The following OSBPL7 variants were observed in gnomAD, a reference collection of about 807,000 sequenced individuals.
OSBPL7 encodes oxysterol-binding protein-related protein 7.
Under a neutral mutation model 115.8 loss-of-function variants are expected in OSBPL7, and 66 were observed. That is an observed-to-expected ratio of 0.57 (90% CI 0.47 to 0.70). The LOEUF (loss-of-function observed/expected upper bound fraction) is 0.70. Among genes scored for constraint, OSBPL7 ranks in the 30% least tolerant of loss-of-function variants. The pLI, the probability that OSBPL7 is intolerant of heterozygous loss-of-function variation, is 0.00. For synonymous variants in OSBPL7, 441 were observed against 439.2 expected (o/e 1.00, Z -0.05); for missense variants, 902 against 1,125.5 (o/e 0.80, Z 2.84).
At chr17:47,818,753 G>C (rs2033308741) in intron 5 of OSBPL7, 137 bp from the exon 6 acceptor site, 1 of 862,084 alleles carries the variant, frequency 1.2e-6, no homozygotes, top group African/African-American at 1.7e-5. Flanking sequence ...TCACTTGCAG[G>C]GAGACAGAGC....
intron 15 of OSBPL7, 45 bp downstream of exon 15, chr17:47,813,542 G>A: frequency 1.9e-6 from 3 of 1,590,018 alleles, no homozygotes; most frequent in Non-Finnish European, 2.6e-6. Flanking sequence ...ATCCCAGGGA[G>A]AAGGAAGCAG....
At position 47,810,601 on chromosome 17, in the gene OSBPL7, G is replaced by T; in HGVS notation, c.1873C>A (p.Leu625Met). ...AGAGTCTAAGAATCCCACCTGGGCA[G>T]GCTGACGTTGACTGTTCCCACAGGC... The part of the protein sequence containing the change: ...IVPVGTVNVS[L>M]PRFGDHFEWN... Residue 625 changes from leucine to methionine, a missense_variant, in exon 18 of 23, where the codon CTG becomes ATG. By Grantham distance (15) the Leu-to-Met change is conservative. This residue lies in a region of OSBPL7 where 230 missense variants were observed against 312.7 expected (regional missense o/e 0.74). Coordinates refer to ENST00000007414, the MANE Select transcript of OSBPL7 (RefSeq NM_145798.3). The T allele has an allele frequency of 6.2e-7, 1 of 1,613,992 alleles. No homozygotes were observed. The highest frequency in any genetic ancestry group is 8.5e-7 in the Non-Finnish European group (1 of 1,179,850).
intron 18 of OSBPL7, among the ~76,000 whole-genome samples, chr17:47,810,085 T>C (rs549896791): frequency 6.6e-6 from 1 of 152,200 alleles, no homozygotes; most frequent in South Asian, 2.1e-4. Flanking sequence ...TGCATCACTA[T>C]TGAGTGGCAG....
In OSBPL7 at chr17:47,814,533, G is replaced by A. The variant is rs149876500; in HGVS notation, c.1339C>T (p.Arg447Cys). Residue 447 changes from arginine to cysteine, a missense_variant, in exon 14 of 23, where the codon CGC (arginine) becomes TGC (cysteine). Physicochemically the swap from Arg to Cys is radical, Grantham distance 180. Coordinates refer to ENST00000007414, the MANE Select transcript of OSBPL7 (RefSeq NM_145798.3). ...EEMLDLRGAE[R>C]CQKGGCVPGR... ...ACCCAGCTGGCACCTTTCTGACAGC[G>A]CTCAGCTCCCCTGAGGTCCAGCATC... 40 of 1,420,922 alleles carry A rather than the reference G, an allele frequency of 2.8e-5. No individual in the cohort carries two copies. Among genetic ancestry groups the A allele is most frequent in the African/African-American group, 7.4e-5 (5 of 67,186 alleles). 88.0% of individuals were successfully genotyped at this position (1,420,922 alleles called of 1,614,324 possible).
At position 47,809,197 on chromosome 17, in the gene OSBPL7, G is replaced by C; in HGVS notation, c.2049C>G (p.Val683=). Residue 683 remains valine, a synonymous_variant, in exon 20 of 23, where the codon GTC becomes GTG. Transcript: ENST00000007414. ...TGAGCACAGCGCCCTGCACCTCGTG[G>C]ACATTGGAACTCCAGTACTTGGCCT... ...FCKAKYWSSN[V]HEVQGAVLSR... 6.2e-7 allele frequency: 1 copy of C among 1,614,176 alleles called. No individual in the cohort carries two copies.
intron 14 of OSBPL7, among the ~76,000 whole-genome samples, chr17:47,814,152 G>C (rs1320068560): frequency 1.3e-5 from 2 of 152,220 alleles, no homozygotes; most frequent in African/African-American, 4.8e-5. Context: ...AGAAACAGAG[G>C]TCAGGGTGCA....
intron 16 of OSBPL7, among the ~76,000 whole-genome samples, chr17:47,812,320 A>G (rs2033069246): frequency 1.3e-5 from 2 of 151,970 alleles, no homozygotes; most frequent in Admixed American, 6.5e-5. Context: ...CCTCCTCCCT[A>G]GACACTGCGA....
chr17:47,819,867 C>T, intron 3 of OSBPL7, 85 bp from the exon 4 acceptor site: 10 of 1,609,660 alleles, frequency 6.2e-6, no homozygotes, highest in Non-Finnish European at 8.5e-6. Flanking sequence ...ATTAGCTTTT[C>T]TTTTCCTTCT....
rs746558261 is a variant in OSBPL7 at position 47,809,009 on chromosome 17, C to T, written c.2171-19G>A. Reference sequence around the variant, plus strand: ...ATTGAGTCTGGGGGAAGGCAAGGGGCTGGGGCAGGTGCACCATGCCTGAGC... The same window carrying T: ...ATTGAGTCTGGGGGAAGGCAAGGGGTTGGGGCAGGTGCACCATGCCTGAGC... On this transcript the variant is annotated intron_variant, in intron 20 of 22. Coordinates refer to ENST00000007414, the MANE Select transcript of OSBPL7 (RefSeq NM_145798.3). 11 of 1,613,662 alleles carry T rather than the reference C, an allele frequency of 6.8e-6. No homozygotes were observed. Among genetic ancestry groups the T allele is most frequent in the Non-Finnish European group, 1.7e-6 (2 of 1,179,912 alleles).
chr17:47,810,706 C>T (rs1035864192), intron 17 of OSBPL7, 34 bp from the exon 18 acceptor site: 9 of 1,613,130 alleles, frequency 5.6e-6, no homozygotes, highest in Admixed American at 5.0e-5. Context: ...GAGTGAACAA[C>T]AGAGATAAGG....
At position 47,810,822 on chromosome 17, in the gene OSBPL7, G is replaced by A; in HGVS notation, c.1751C>T (p.Pro584Leu). Reference sequence around the variant, plus strand: ...CTCTGCATGGCAGGCCGAGATAGGGGGGTGGTGGGAGACCTTGGTGAGCAA... The same window carrying A: ...CTCTGCATGGCAGGCCGAGATAGGGAGGTGGTGGGAGACCTTGGTGAGCAA... ...RFISEQVSHH[P>L]PISACHAESE... Residue 584 changes from proline (P) to leucine (L), a missense_variant, in exon 17 of 23, where the codon CCC becomes CTC. Around this residue, in one of 3 missense-constraint regions of OSBPL7, gnomAD observed 667 missense variants for 788.7 expected, o/e 0.85. Coordinates refer to ENST00000007414, the MANE Select transcript of OSBPL7 (RefSeq NM_145798.3). 6.2e-7 allele frequency: 1 copy of A among 1,613,726 alleles called. No individual in the cohort carries two copies. The highest frequency in any genetic ancestry group is 8.5e-7 in the Non-Finnish European group (1 of 1,179,944).
chr17:47,816,062 A>T lies in OSBPL7; in HGVS notation c.1119+45T>A. ...TGGGCCTTGGCTTTCGCTGGGAGAGAAGGCACAGGAGAATCGGCCCCCACA... is the reference window on the plus strand; with the variant it reads ...TGGGCCTTGGCTTTCGCTGGGAGAGTAGGCACAGGAGAATCGGCCCCCACA... On this transcript the variant is annotated intron_variant, in intron 12 of 22. Transcript: ENST00000007414. The surrounding 1 kb of genome is among the most constrained non-coding windows in gnomAD (Gnocchi z 5.8). 6.7e-7 allele frequency: 1 copy of T among 1,490,612 alleles called. No homozygotes were observed. The highest frequency in any genetic ancestry group is 9.0e-7 in the Non-Finnish European group (1 of 1,107,448). 92.3% of individuals were successfully genotyped at this position (1,490,612 alleles called of 1,614,324 possible).
chr17:47,818,447 C>A, intron 6 of OSBPL7, 59 bp downstream of exon 6: 4 of 1,592,058 alleles, frequency 2.5e-6, no homozygotes, highest in Non-Finnish European at 3.4e-6. Flanking sequence ...TCACAGTTCT[C>A]CATAGCCCTT....
chr17:47,814,652 C>T (rs372155095), intron 13 of OSBPL7, 38 bp from the exon 14 acceptor site: 2 of 1,592,642 alleles, frequency 1.3e-6, no homozygotes, highest in African/African-American at 1.3e-5. Flanking sequence ...CAGACTGGGC[C>T]TCCCCCGGGC....
At position 47,815,259 on chromosome 17, in the gene OSBPL7, C is replaced by T. The variant is rs772511329; in HGVS notation, c.1213G>A (p.Asp405Asn). ...SLADSHTEFF[D>N]ACEVLLSASS... The stretch of plus-strand genomic sequence containing the variant: ...GCGGAGAGGAGAACCTCGCAGGCAT[C>T]GAAGAACTCCGTGTGGGAATCAGCA... Residue 405 changes from aspartate (D) to asparagine (N), a missense_variant, in exon 13 of 23, where the codon GAT (aspartate) becomes AAT (asparagine). Physicochemically the swap from Asp to Asn is conservative, Grantham distance 23. Around this residue, in one of 3 missense-constraint regions of OSBPL7, gnomAD observed 667 missense variants for 788.7 expected, o/e 0.85. Coordinates refer to ENST00000007414, the MANE Select transcript of OSBPL7 (RefSeq NM_145798.3). 2 of 1,613,850 alleles carry T rather than the reference C, an allele frequency of 1.2e-6. No homozygotes were observed. Among genetic ancestry groups the T allele is most frequent in the Non-Finnish European group, 1.7e-6 (2 of 1,179,952 alleles).
In OSBPL7 at chr17:47,813,804, G is replaced by A. The variant is rs749995866; in HGVS notation, c.1382C>T (p.Pro461Leu). The change falls in exon 15 of 23, where the codon CCA becomes CTA. Residue 461 changes from proline to leucine, a missense_variant. Pro to Leu is a moderately conservative substitution (Grantham distance 98). Coordinates refer to ENST00000007414, the MANE Select transcript of OSBPL7 (RefSeq NM_145798.3). ...CGCCGGCAGGCAGCGACGGCGGGGT[G>A]GCCCCATGGGTCTCCCTGGAACACA... Reference protein sequence around the residue: ...GGCVPGRPMGPPRRRCLPAAS... With the variant: ...GGCVPGRPMGLPRRRCLPAAS... 1 of 1,611,806 alleles carries A rather than the reference G, an allele frequency of 6.2e-7. No individual in the cohort carries two copies. The highest frequency in any genetic ancestry group is 1.1e-5 in the South Asian group (1 of 90,978).
chr17:47,810,972 G>T, intron 16 of OSBPL7, 137 bp from the exon 17 acceptor site: 1 of 762,124 alleles, frequency 1.3e-6, no homozygotes, highest in Non-Finnish European at 2.2e-6. Context: ...TATCACCCTT[G>T]GCCACCTCCT....
rs766887038 is a variant in OSBPL7, at chr17:47,816,720, A to G, written c.796-25T>C. ...CCTGTAGGTGAAGGGGAAGGGCTGA[A>G]GGGGCCGGCCTCCTTAGAGCATCCT... On this transcript the variant is annotated intron_variant, in intron 9 of 22. Coordinates refer to ENST00000007414, the MANE Select transcript of OSBPL7 (RefSeq NM_145798.3). The surrounding 1 kb of genome is among the most constrained non-coding windows in gnomAD (Gnocchi z 5.8). 12 of 1,613,896 alleles carry G rather than the reference A, an allele frequency of 7.4e-6. No homozygotes were observed. Among genetic ancestry groups the G allele is most frequent in the Admixed American group, 6.7e-5 (4 of 60,004 alleles).
chr17:47,818,179 C>T, intron 7 of OSBPL7, 90 bp downstream of exon 7: 1 of 1,175,422 alleles, frequency 8.5e-7, no homozygotes, highest in South Asian at 1.5e-5. Flanking sequence ...ACTGGGGCTC[C>T]CTGAGGCAGG....
Sources: gnomAD v4.1 joint callset for allele counts (sites outside exome capture counted in the v4.1 genomes callset) on GRCh38, gnomAD v4.1.1 for gene constraint, gnomAD v4.1.1 regional missense constraint, Gnocchi (gnomAD v3.1) non-coding constraint, MANE v1.5 for transcripts, NCBI Gene and HGNC (gene_info 2026-07-23, HGNC 2026-07-21) for gene names.